DMGDH: variants seen among roughly 807,000 people sequenced by gnomAD.
The protein encoded by DMGDH is dimethylglycine dehydrogenase.
Under a neutral mutation model 95.2 loss-of-function variants are expected in DMGDH, and 76 were observed. The ratio of observed to expected loss-of-function variants is 0.80; its 90% confidence interval spans 0.66 to 0.97. The LOEUF (loss-of-function observed/expected upper bound fraction) is 0.97. Ranked by LOEUF, DMGDH falls within the 50% of genes least tolerant of loss-of-function variation. The pLI is 0.00. For synonymous variants in DMGDH, 345 were observed against 377.6 expected, an observed-to-expected ratio of 0.91 and a Z score of 1.00; for missense variants, 987 against 1,055.0, an observed-to-expected ratio of 0.94 and a Z score of 0.89.
At chr5:79,000,968 T>C in intron 15 of DMGDH, 3 of 687,198 alleles carry the variant, frequency 4.4e-6, no homozygotes, top group Non-Finnish European at 7.9e-6. Flanking sequence ...GCAAGCAAAG[T>C]GTCCATTTGG....
intron 14 of DMGDH, among the ~76,000 whole-genome samples, chr5:79,015,969 C>T (rs1479596754): frequency 6.6e-6 from 1 of 152,046 alleles, no homozygotes; most frequent in Admixed American, 6.5e-5. Flanking sequence ...AAAATGTTAA[C>T]ACTAGGAATA....
intron 7 of DMGDH, among the ~76,000 whole-genome samples, chr5:79,038,651 C>T (rs1311918947): frequency 6.6e-6 from 1 of 152,092 alleles, no homozygotes; most frequent in Non-Finnish European, 1.5e-5. Flanking sequence ...CAGTTCCTGA[C>T]ACAGAATTCA....
intron 15 of DMGDH, among the ~76,000 whole-genome samples, chr5:79,003,934 A>G (rs934066470): frequency 2.0e-5 from 3 of 152,136 alleles, no homozygotes; most frequent in Non-Finnish European, 2.9e-5. Context: ...GCAACAGAGT[A>G]AGGCTCTGTC....
chr5:79,032,276 G>C (rs754967162), intron 9 of DMGDH, among the ~76,000 whole-genome samples: 18 of 152,190 alleles, frequency 1.2e-4, no homozygotes, highest in Non-Finnish European at 2.4e-4. Context: ...CAGTTGCTTT[G>C]AGCAATTTCA....
intron 2 of DMGDH, among the ~76,000 whole-genome samples, chr5:79,058,171 C>T (rs1013788819): frequency 5.3e-5 from 8 of 152,158 alleles, no homozygotes; most frequent in Non-Finnish European, 8.8e-5. Flanking sequence ...CTTGCTGCTA[C>T]GATAGTCAGA....
At chr5:79,000,107 G>T in intron 15 of DMGDH, 2 of 446,178 alleles carry the variant, frequency 4.5e-6, no homozygotes, top group South Asian at 3.8e-5. Context: ...ACTCAGTGAT[G>T]AACATTTTTT....
chr5:79,054,176 A>G lies in DMGDH; in HGVS notation c.540+8T>C. ...AACAAATGGTAAAAATGCCCTTAAG[A>G]TAAATACCTTATTCATGTTGAGTAA... On this transcript the variant is annotated splice_region_variant and intron_variant, in intron 4 of 15. Transcript: ENST00000255189. 1.2e-6 allele frequency: 2 copies of G among 1,613,560 alleles called. No individual in the cohort carries two copies. The highest frequency in any genetic ancestry group is 1.7e-6 in the Non-Finnish European group (2 of 1,179,888).
intron 9 of DMGDH, 142 bp downstream of exon 9, chr5:79,032,545 G>A (rs1020120439): frequency 2.5e-6 from 3 of 1,198,088 alleles, no homozygotes; most frequent in Non-Finnish European, 3.7e-6. Context: ...ACCACTGCCA[G>A]AGAGTAATTT....
chr5:79,008,633 G>C (rs1241741636), intron 14 of DMGDH, among the ~76,000 whole-genome samples: 3 of 152,136 alleles, frequency 2.0e-5, no homozygotes, highest in African/African-American at 7.2e-5. Context: ...GTTGAGATGT[G>C]CTGGAAAAGG....
intron 14 of DMGDH, among the ~76,000 whole-genome samples, chr5:79,007,874 C>T (rs1018685093): frequency 6.6e-5 from 10 of 152,144 alleles, no homozygotes; most frequent in African/African-American, 2.4e-4. Context: ...AGCGGGTATT[C>T]AGAGCTTCAG....
chr5:79,021,785 T>G (rs1753873803), intron 14 of DMGDH: 1 of 1,163,658 alleles, frequency 8.6e-7, no homozygotes, highest in Non-Finnish European at 1.1e-6. Flanking sequence ...AGAGAGAAAT[T>G]CTTGGGCAGT....
intron 14 of DMGDH, among the ~76,000 whole-genome samples, chr5:79,011,879 G>A (rs1470441245): frequency 6.6e-6 from 1 of 152,084 alleles, no homozygotes; most frequent in Non-Finnish European, 1.5e-5. Context: ...CCTCTCATCA[G>A]GCCCCACCTC....
At chr5:79,032,631 G>A (rs1754211536) in intron 9 of DMGDH, 56 bp downstream of exon 9, 3 of 1,609,992 alleles carry the variant, frequency 1.9e-6, no homozygotes, top group African/African-American at 2.7e-5. Flanking sequence ...GCTTTTTGCT[G>A]TCCCGTTGTT....
intron 4 of DMGDH, among the ~76,000 whole-genome samples, chr5:79,051,695 C>A (rs1024604070): frequency 1.3e-5 from 2 of 152,294 alleles, no homozygotes; most frequent in South Asian, 4.1e-4. Flanking sequence ...AAACCTCTAT[C>A]TTGTTTACAC....
At chr5:79,039,713 T>C (rs1165884421) in intron 7 of DMGDH, among the ~76,000 whole-genome samples, 2 of 151,676 alleles carry the variant, frequency 1.3e-5, no homozygotes, top group East Asian at 3.9e-4. Context: ...ATAATAATAA[T>C]AATAAATAAT....
At chr5:79,042,582 G>T in intron 6 of DMGDH, 101 bp from the exon 7 acceptor site, 1 of 1,137,634 alleles carries the variant, frequency 8.8e-7, no homozygotes. Flanking sequence ...AAGATGGCCT[G>T]TTAGGAAAGT....
At chr5:79,038,441 G>GC (rs1754409466) in intron 7 of DMGDH, among the ~76,000 whole-genome samples, 1 of 152,084 alleles carries the variant, frequency 6.6e-6, no homozygotes, top group African/African-American at 2.4e-5. Context: ...ACAAGATCGT[G>GC]CCATTCCCTG....
intron 7 of DMGDH, among the ~76,000 whole-genome samples, chr5:79,034,471 C>T (rs943985525): frequency 2.6e-5 from 4 of 152,126 alleles, no homozygotes; most frequent in Non-Finnish European, 5.9e-5. Flanking sequence ...TAGTTCTACC[C>T]ACTCAGTCTT....
chr5:79,002,692 G>T (rs905772461), intron 15 of DMGDH, among the ~76,000 whole-genome samples: 3 of 152,046 alleles, frequency 2.0e-5, no homozygotes, highest in East Asian at 1.9e-4. Flanking sequence ...ATGCTTGCAA[G>T]AATAAAATAC....
Sources: gnomAD v4.1 joint callset for allele counts (sites outside exome capture counted in the v4.1 genomes callset) on GRCh38, gnomAD v4.1.1 for gene constraint, MANE v1.5 for transcripts, NCBI Gene and HGNC (gene_info 2026-07-23, HGNC 2026-07-21) for gene names.